Variants in LRRTM4 observed in about 807,000 individuals in gnomAD.
The protein encoded by LRRTM4 is leucine rich repeat transmembrane neuronal 4.
In LRRTM4, 25 loss-of-function variants were observed where a neutral mutation model predicts 47.6. The observed-to-expected ratio is 0.53, with a 90% CI of 0.38 to 0.73. LRRTM4 has a LOEUF of 0.73. Ranked by LOEUF, LRRTM4 falls within the 30% of genes least tolerant of loss-of-function variation. LRRTM4 has a pLI of 0.00. For missense variants in LRRTM4, 638 were observed against 713.4 expected, an observed-to-expected ratio of 0.89 and a Z score of 1.20; for synonymous variants, 311 against 269.5, an observed-to-expected ratio of 1.15 and a Z score of -1.51.
intron 3 of LRRTM4, among the ~76,000 whole-genome samples, chr2:76,949,134 C>T (rs563324350): frequency 1.1e-4 from 16 of 151,922 alleles, no homozygotes; most frequent in African/African-American, 3.6e-4. Context: ...CAGAAACATC[C>T]AATCCTCTCT....
intron 3 of LRRTM4, among the ~76,000 whole-genome samples, chr2:77,496,129 G>A (rs771183929): frequency 5.3e-5 from 8 of 151,764 alleles, no homozygotes; most frequent in Non-Finnish European, 1.2e-4. Flanking sequence ...TGAATGGAAT[G>A]TTTTTATGTA....
intron 3 of LRRTM4, among the ~76,000 whole-genome samples, chr2:77,365,168 A>G (rs1355395889): frequency 1.3e-5 from 2 of 152,086 alleles, no homozygotes; most frequent in East Asian, 3.8e-4. Flanking sequence ...ACTCTTACAC[A>G]TAAAAATAGC....
At chr2:76,977,055 G>C (rs1453373275) in intron 3 of LRRTM4, among the ~76,000 whole-genome samples, 1 of 151,594 alleles carries the variant, frequency 6.6e-6, no homozygotes, top group African/African-American at 2.4e-5. Context: ...ACGTGTATGT[G>C]TACATAGATT....
At chr2:77,368,885 T>C (rs1322809209) in intron 3 of LRRTM4, among the ~76,000 whole-genome samples, 2 of 151,776 alleles carry the variant, frequency 1.3e-5, no homozygotes, top group Non-Finnish European at 2.9e-5. Flanking sequence ...GATCGCATGG[T>C]ATTTCTAATT....
At chr2:77,004,618 C>T (rs180672347) in intron 3 of LRRTM4, among the ~76,000 whole-genome samples, 8 of 152,282 alleles carry the variant, frequency 5.3e-5, no homozygotes, top group Non-Finnish European at 1.0e-4. Flanking sequence ...CACACAGAGT[C>T]CCCAATGGGG....
intron 3 of LRRTM4, among the ~76,000 whole-genome samples, chr2:77,414,950 A>G (rs954890778): frequency 1.3e-5 from 2 of 152,180 alleles, no homozygotes; most frequent in East Asian, 3.9e-4. Flanking sequence ...TCCACACATA[A>G]TACAAAGAAG....
chr2:76,770,914 T>A (rs1454872556), intron 3 of LRRTM4, among the ~76,000 whole-genome samples: 1 of 152,212 alleles, frequency 6.6e-6, no homozygotes, highest in African/African-American at 2.4e-5. Flanking sequence ...CAAGTTAGCC[T>A]TTTCTCTGTA....
At chr2:77,085,595 TG>T (rs891964034) in intron 3 of LRRTM4, among the ~76,000 whole-genome samples, 9 of 152,166 alleles carry the variant, frequency 5.9e-5, no homozygotes, top group African/African-American at 2.2e-4. Flanking sequence ...ATATGCCATT[TG>T]TTCATTTTCA....
At chr2:76,938,360 G>A (rs1311557047) in intron 3 of LRRTM4, among the ~76,000 whole-genome samples, 1 of 150,874 alleles carries the variant, frequency 6.6e-6, no homozygotes, top group African/African-American at 2.4e-5. Context: ...ATATTATGAT[G>A]TATTTTCATT....
chr2:77,310,632 G>A (rs1196857487), intron 3 of LRRTM4, among the ~76,000 whole-genome samples: 1 of 152,108 alleles, frequency 6.6e-6, no homozygotes, highest in East Asian at 1.9e-4. Flanking sequence ...TTTCATCTGT[G>A]CTCCTTCAAT....
intron 3 of LRRTM4, among the ~76,000 whole-genome samples, chr2:76,900,544 A>G (rs1458419383): frequency 6.6e-6 from 1 of 152,132 alleles, no homozygotes; most frequent in East Asian, 1.9e-4. Context: ...AGTTCCTGGT[A>G]TATTATGGCT....
chr2:77,243,264 G>T (rs1014197247), intron 3 of LRRTM4, among the ~76,000 whole-genome samples: 1 of 151,900 alleles, frequency 6.6e-6, no homozygotes, highest in Non-Finnish European at 1.5e-5. Flanking sequence ...TACAAAATTA[G>T]CCGGGTGTGG....
chr2:77,429,242 G>A (rs1234074010), intron 3 of LRRTM4, among the ~76,000 whole-genome samples: 4 of 152,126 alleles, frequency 2.6e-5, no homozygotes, highest in East Asian at 3.9e-4. Context: ...CGGAATAATC[G>A]ATTATAAGAT....
At chr2:76,951,273 T>A (rs557737191) in intron 3 of LRRTM4, among the ~76,000 whole-genome samples, 3 of 152,166 alleles carry the variant, frequency 2.0e-5, no homozygotes, top group Admixed American at 2.0e-4. Flanking sequence ...AATTTAATGG[T>A]AAATATGAAA....
At chr2:77,347,914 TTAA>T (rs1046753532) in intron 3 of LRRTM4, among the ~76,000 whole-genome samples, 7 of 152,144 alleles carry the variant, frequency 4.6e-5, no homozygotes, top group African/African-American at 1.2e-4. Context: ...ATGTACATAA[TTAA>T]TGATGCTTGA....
Position 77,519,223 on chromosome 2 carries a change from G to T in LRRTM4, c.646C>A (p.Gln216Lys). ...KLKELHLEHN[Q>K]FSKINFAHFP... ...TGAGCAAAGTTGATCTTGGAAAACT[G>T]GTTGTGCTCCAGGTGGAGCTCCTTT... Residue 216 changes from glutamine (Q) to lysine (K), a missense_variant, in exon 3 of 4, where the codon CAG becomes AAG. Transcript: ENST00000409884. The surrounding 1 kb of genome is among the most constrained non-coding windows in gnomAD (Gnocchi z 4.6). 1 of 1,613,334 alleles carries T rather than the reference G, an allele frequency of 6.2e-7. No homozygotes were observed. Among genetic ancestry groups the T allele is most frequent in the Non-Finnish European group, 8.5e-7 (1 of 1,179,592 alleles).
At chr2:77,150,474 C>G (rs914082962) in intron 3 of LRRTM4, among the ~76,000 whole-genome samples, 2 of 152,166 alleles carry the variant, frequency 1.3e-5, no homozygotes, top group East Asian at 1.9e-4. Flanking sequence ...AAGAGAGACA[C>G]CGATTGACTG....
chr2:77,381,026 A>G (rs112321366), intron 3 of LRRTM4, among the ~76,000 whole-genome samples: 68 of 152,212 alleles, frequency 4.5e-4, no homozygotes, highest in African/African-American at 1.6e-3. Context: ...TGTTACTATT[A>G]TGAGTAATTC....
chr2:77,380,092 T>A (rs1573336061), intron 3 of LRRTM4, among the ~76,000 whole-genome samples: 1 of 152,184 alleles, frequency 6.6e-6, no homozygotes, highest in African/African-American at 2.4e-5. Flanking sequence ...TATGACTGGT[T>A]ATTTTATGAC....
Sources: gnomAD v4.1 joint callset for allele counts (sites outside exome capture counted in the v4.1 genomes callset) on GRCh38, gnomAD v4.1.1 for gene constraint, Gnocchi (gnomAD v3.1) non-coding constraint, MANE v1.5 for transcripts, NCBI Gene and HGNC (gene_info 2026-07-23, HGNC 2026-07-21) for gene names.